The following NOVA2 variants were observed in gnomAD, a reference collection of about 807,000 sequenced individuals.
NOVA2 encodes the protein NOVA alternative splicing regulator 2, also known as RNA-binding protein Nova-2.
A neutral mutation model predicts 22.5 loss-of-function variants in NOVA2; 9 were observed. The ratio of observed to expected loss-of-function variants is 0.40; its 90% CI spans 0.24 to 0.70. The LOEUF (loss-of-function observed/expected upper bound fraction) is 0.70. Among genes scored for constraint, NOVA2 ranks in the 30% least tolerant of loss-of-function variants. The pLI is 0.38. For missense variants in NOVA2, 383 were observed against 682.8 expected, an observed-to-expected ratio of 0.56 and a Z score of 4.89; for synonymous variants, 318 against 335.2, an observed-to-expected ratio of 0.95 and a Z score of 0.56.
intron 1 of NOVA2, among the ~76,000 whole-genome samples, chr19:45,965,450 C>T (rs1332319768): frequency 2.6e-5 from 4 of 152,176 alleles, no homozygotes; most frequent in South Asian, 2.1e-4. Context: ...CGTTTATGGT[C>T]GAGCGCAGTG....
chr19:45,946,598 G>A (rs1468100639), intron 3 of NOVA2, among the ~76,000 whole-genome samples: 1 of 152,182 alleles, frequency 6.6e-6, no homozygotes, highest in Non-Finnish European at 1.5e-5. Flanking sequence ...GGTCAGCCAG[G>A]CACGGTGGCT....
rs527424128 is a variant in NOVA2, at chr19:45,968,346, G to A, written c.85+4921C>T. On this transcript the variant is annotated intron_variant, in intron 1 of 3. Transcript: ENST00000263257. Reference sequence around the variant, plus strand: ...GGTGTGGGGTGGGAGCAGTACTGCCGAGGAGGGGTGGGACTTCAGGCATGT... The same window carrying A: ...GGTGTGGGGTGGGAGCAGTACTGCCAAGGAGGGGTGGGACTTCAGGCATGT... 2.6e-5 allele frequency among the ~76,000 whole-genome samples: 4 copies of A among 152,008 alleles called. No homozygotes were observed. In the South Asian group the frequency reaches 8.3e-4, roughly 32 times the overall value.
At chr19:45,944,500 CTT>C (rs1298833356) in intron 3 of NOVA2, among the ~76,000 whole-genome samples, 1 of 152,160 alleles carries the variant, frequency 6.6e-6, no homozygotes, top group African/African-American at 2.4e-5. Context: ...TAAAATTCAT[CTT>C]GTTTTATAAC....
At chr19:45,971,920 C>T (rs543303032) in intron 1 of NOVA2, among the ~76,000 whole-genome samples, 3 of 152,148 alleles carry the variant, frequency 2.0e-5, no homozygotes, top group Non-Finnish European at 2.9e-5. Flanking sequence ...GGTACACACA[C>T]CTCCTTGGGT....
chr19:45,951,209 G>T (rs941218099), intron 3 of NOVA2, among the ~76,000 whole-genome samples: 4 of 152,206 alleles, frequency 2.6e-5, no homozygotes, highest in African/African-American at 9.7e-5. Flanking sequence ...TGGCGCAATG[G>T]CTCACGCCTG....
chr19:45,939,881 G>T lies in NOVA2; in HGVS notation c.1461C>A (p.Asn487Lys). ...ACAGGCCTCATCCCACTTTCTGGGG[G>T]TTTGAGGCCCTCACTCCCTGCTCGT... ...VTYEQGVRAS[N>K]PQKVG Residue 487 changes from asparagine (N) to lysine (K), a missense_variant, in exon 4 of 4, where the codon AAC (asparagine) becomes AAA (lysine). Around this residue, in one of 2 missense-constraint regions of NOVA2, gnomAD observed 34 missense variants for 104.7 expected, o/e 0.32. Coordinates refer to ENST00000263257, the MANE Select transcript of NOVA2 (RefSeq NM_002516.4). 1 of 1,614,186 alleles carries T rather than the reference G, an allele frequency of 6.2e-7. No homozygotes were observed. The highest frequency in any genetic ancestry group is 1.1e-5 in the South Asian group (1 of 91,090).
At chr19:45,959,846 G>A (rs571552442) in intron 2 of NOVA2, among the ~76,000 whole-genome samples, 52 of 150,576 alleles carry the variant, frequency 3.5e-4, no homozygotes, top group African/African-American at 1.2e-3. Context: ...GAGAGAGAAA[G>A]AGAGAGAGAG....
At chr19:45,971,137 T>C (rs957016664) in intron 1 of NOVA2, among the ~76,000 whole-genome samples, 2 of 152,128 alleles carry the variant, frequency 1.3e-5, no homozygotes, top group African/African-American at 4.8e-5. Context: ...TCAAATCATG[T>C]CTCCCAGGGG....
In NOVA2 at chr19:45,973,482, G is replaced by T; in HGVS notation, c.-131C>A. The T allele has an allele frequency of 7.5e-6, 1 of 134,184 alleles. No individual in the cohort carries two copies. 8.3% of individuals were successfully genotyped at this position (134,184 alleles called of 1,614,324 possible). On this transcript the variant is annotated 5_prime_UTR_variant, in exon 1 of 4. Transcript: ENST00000263257. The stretch of plus-strand genomic sequence containing the variant: ...CGGCGGCGGCGGCGGGGGCGGCGGC[G>T]GCTGCGGGGCCGCGGAGGCCGTGAA...
intron 3 of NOVA2, among the ~76,000 whole-genome samples, chr19:45,943,818 A>T (rs1438342738): frequency 6.6e-6 from 1 of 152,134 alleles, no homozygotes; most frequent in African/African-American, 2.4e-5. Flanking sequence ...AATAAAAAAA[A>T]TCTCTGAGCT....
At chr19:45,959,927 T>A (rs1968070822) in intron 2 of NOVA2, among the ~76,000 whole-genome samples, 1 of 151,552 alleles carries the variant, frequency 6.6e-6, no homozygotes, top group African/African-American at 2.4e-5. Context: ...GGATTAAGGA[T>A]GAACTAGAAC....
intron 3 of NOVA2, among the ~76,000 whole-genome samples, chr19:45,952,779 C>CT (rs1430409957): frequency 6.6e-6 from 1 of 152,194 alleles, no homozygotes; most frequent in African/African-American, 2.4e-5. Flanking sequence ...GCCCTGCGGT[C>CT]TTTTTTGGGA....
chr19:45,955,468 G>A (rs1336852221), intron 2 of NOVA2, among the ~76,000 whole-genome samples: 3 of 152,188 alleles, frequency 2.0e-5, no homozygotes, highest in African/African-American at 7.2e-5. Context: ...GTCAGTGTGA[G>A]AATGTGCGTG....
chr19:45,948,670 G>A (rs1301895297), intron 3 of NOVA2, among the ~76,000 whole-genome samples: 5 of 151,770 alleles, frequency 3.3e-5, no homozygotes, highest in Admixed American at 2.6e-4. Flanking sequence ...TATCCCCATG[G>A]ATGGAGCTGG....
chr19:45,948,501 G>T (rs1600603258), intron 3 of NOVA2, among the ~76,000 whole-genome samples: 1 of 151,494 alleles, frequency 6.6e-6, no homozygotes, highest in East Asian at 1.9e-4. Flanking sequence ...TCGGGAGGCT[G>T]AGGCAGGAGA....
At chr19:45,941,535 A>C (rs1002141821) in intron 3 of NOVA2, among the ~76,000 whole-genome samples, 2 of 151,950 alleles carry the variant, frequency 1.3e-5, no homozygotes, top group African/African-American at 4.8e-5. Flanking sequence ...CCTCTCCAGC[A>C]TCCAAAATCA....
chr19:45,963,357 C>T (rs2146424613), intron 1 of NOVA2, among the ~76,000 whole-genome samples: 1 of 151,670 alleles, frequency 6.6e-6, no homozygotes, highest in East Asian at 2.0e-4. Context: ...CCACTCCAGC[C>T]TGGCGACCCT....
Position 45,961,086 on chromosome 19 carries a change from G to C in NOVA2, c.153C>G (p.Gly51=), listed in dbSNP as rs369100441. ...SYAAGSIIGK[G]GQTIVQLQKE... ...TCTGCAGCTGCACGATGGTCTGCCC[G>C]CCCTTGCCAATGATGGAGCCCGCCG... The change falls in exon 2 of 4, where the codon GGC becomes GGG. Residue 51 remains glycine, a synonymous_variant. Transcript: ENST00000263257. The C allele has an allele frequency of 1.3e-6, 2 of 1,590,436 alleles. No homozygotes were observed. The highest frequency in any genetic ancestry group is 2.3e-5 in the South Asian group (2 of 87,184).
chr19:45,966,367 G>A (rs1968167894), intron 1 of NOVA2, among the ~76,000 whole-genome samples: 1 of 152,106 alleles, frequency 6.6e-6, no homozygotes, highest in Non-Finnish European at 1.5e-5. Context: ...GGATGCAGCA[G>A]GGAACAGACA....
Sources: allele counts gnomAD v4.1 joint callset (sites outside exome capture counted in the v4.1 genomes callset), GRCh38; gene constraint gnomAD v4.1.1; regional missense constraint gnomAD v4.1.1; transcripts MANE v1.5; gene names NCBI Gene and HGNC (gene_info 2026-07-23, HGNC 2026-07-21).